SEMA5B: variants seen among roughly 807,000 people sequenced by gnomAD.
SEMA5B encodes the protein semaphorin-5B.
In SEMA5B, 66 loss-of-function variants were observed where a neutral mutation model predicts 135.0. The ratio of observed to expected loss-of-function variants is 0.49; its 90% confidence interval spans 0.40 to 0.60. The LOEUF (loss-of-function observed/expected upper bound fraction) is 0.60, where lower values mean the gene tolerates loss of function less well. Ranked by LOEUF, SEMA5B falls within the 20% of genes least tolerant of loss-of-function variation. The pLI is 0.00. For missense variants in SEMA5B, 1,501 were observed against 1,566.3 expected, an observed-to-expected ratio of 0.96 and a Z score of 0.70; for synonymous variants, 690 against 639.5, an observed-to-expected ratio of 1.08 and a Z score of -1.19.
At chr3:122,975,243 G>C (rs1322522373) in intron 1 of SEMA5B, 2 of 152,508 alleles carry the variant, frequency 1.3e-5, no homozygotes, top group Non-Finnish European at 2.9e-5. Context: ...TCCCCTGCCT[G>C]CCAGGAGAGC....
chr3:122,926,623 C>T lies in SEMA5B; in HGVS notation c.905G>A (p.Arg302Gln), dbSNP rs1560307085. The change falls in exon 9 of 23, where the codon CGG becomes CAG. Residue 302 changes from arginine (R) to glutamine (Q), a missense_variant. Coordinates refer to ENST00000357599, the MANE Select transcript of SEMA5B (RefSeq NM_001031702.4). ...ACAGTCGTGCTCCACTGCGTTCTCC[C>T]GCAGGAAGAAGTATGCAAACAGCCC... is the stretch of plus-strand genomic sequence containing the variant. Reference protein sequence around the residue: ...DIGLFAYFFLRENAVEHDCGR... With the variant: ...DIGLFAYFFLQENAVEHDCGR... 3 of 1,614,196 alleles carry T rather than the reference C, an allele frequency of 1.9e-6. No individual in the cohort carries two copies. Among genetic ancestry groups the T allele is most frequent in the South Asian group, 1.1e-5 (1 of 91,074 alleles).
At chr3:122,995,685 A>G (rs1942007254) in intron 1 of SEMA5B, among the ~76,000 whole-genome samples, 1 of 152,154 alleles carries the variant, frequency 6.6e-6, no homozygotes, top group Non-Finnish European at 1.5e-5. Context: ...TATCATGGGG[A>G]GATCATGGCT....
intron 1 of SEMA5B, among the ~76,000 whole-genome samples, chr3:122,996,043 A>G (rs9849244): frequency 0.018 from 2,718 of 152,316 alleles, 91 homozygotes; most frequent in African/African-American, 0.061. Context: ...TCACAGCACT[A>G]GTCTGAGGGC....
intron 1 of SEMA5B, among the ~76,000 whole-genome samples, chr3:122,995,071 T>C (rs1941994060): frequency 6.6e-6 from 1 of 151,550 alleles, no homozygotes; most frequent in African/African-American, 2.4e-5. Flanking sequence ...ACATGTCAGG[T>C]TGGAAAAGTG....
At chr3:122,930,813 AAAGTCC>A (rs1938931401) in intron 5 of SEMA5B, among the ~76,000 whole-genome samples, 1 of 152,218 alleles carries the variant, frequency 6.6e-6, no homozygotes, top group African/African-American at 2.4e-5. Flanking sequence ...GAAGAACACT[AAAGTCC>A]AGAGAGGTGG....
rs530912024 is a variant in SEMA5B, at chr3:122,953,092, C to T, written c.125-4383G>A. ...TGGGGGGACCCTGACTGATAGAACACCTCATTAGGGATACTCAATGCATAT... is the reference window on the plus strand; with the variant it reads ...TGGGGGGACCCTGACTGATAGAACATCTCATTAGGGATACTCAATGCATAT... On this transcript the variant is annotated intron_variant, in intron 2 of 22. Coordinates refer to ENST00000357599, the MANE Select transcript of SEMA5B (RefSeq NM_001031702.4). Among the ~76,000 whole-genome samples the T allele has an allele frequency of 2.6e-5, 4 of 152,300 alleles. No homozygotes were observed. In the South Asian group the frequency reaches 6.2e-4, roughly 24 times the overall value.
chr3:122,910,389 C>A, intron 22 of SEMA5B, 88 bp from the exon 23 acceptor site: 3 of 1,376,930 alleles, frequency 2.2e-6, no homozygotes, highest in South Asian at 2.6e-5. Flanking sequence ...AGAAGCCAGC[C>A]GTGCAAGAAC....
chr3:122,987,701 G>A (rs1941745906), intron 1 of SEMA5B, among the ~76,000 whole-genome samples: 1 of 152,156 alleles, frequency 6.6e-6, no homozygotes, highest in East Asian at 1.9e-4. Flanking sequence ...TCACTGGATT[G>A]CACACATACC....
chr3:122,939,440 A>G lies in SEMA5B; in HGVS notation c.459T>C (p.Asn153=). ...RNYLFRLSLA[N]VSLLQATEWA... ...GCAATCGTACCTGAAGAAGAGAGACATTGGCAAGGCTGAGTCTGAAGAGGT... is the reference window on the plus strand; with the variant it reads ...GCAATCGTACCTGAAGAAGAGAGACGTTGGCAAGGCTGAGTCTGAAGAGGT... The change falls in exon 5 of 23, where the codon AAT becomes AAC. Residue 153 remains asparagine, a synonymous_variant. Transcript: ENST00000357599. 1 of 1,612,354 alleles carries G rather than the reference A, an allele frequency of 6.2e-7. No homozygotes were observed. Among genetic ancestry groups the G allele is most frequent in the Non-Finnish European group, 8.5e-7 (1 of 1,178,334 alleles).
rs145873533 is a variant in SEMA5B at position 122,986,593 on chromosome 3, T to TTGTGTGTGTGTG, written c.-38-25304_-38-25293dup. The stretch of plus-strand genomic sequence containing the variant: ...GAGATGAGGCAGGCCCAGAGCATAT[T>TTGTGTGTGTGTG]TGTGTGTGTGTGTGTGTGTGTGTGT... On this transcript the variant is annotated intron_variant, in intron 1 of 22. Transcript: ENST00000357599. Among the ~76,000 whole-genome samples, 259 of 144,382 alleles carry TTGTGTGTGTGTG rather than the reference T, an allele frequency of 1.8e-3. 2 individuals carry two copies. Among genetic ancestry groups the TTGTGTGTGTGTG allele is most frequent in the African/African-American group, 4.2e-3 (166 of 39,444 alleles). 94.7% of individuals were successfully genotyped at this position (144,382 alleles called of 152,430 possible). A position where few individuals can be genotyped will look rare whatever the true frequency, so the allele number is the denominator to read the frequency against.
At chr3:123,010,575 C>T (rs1942415463) in intron 1 of SEMA5B, among the ~76,000 whole-genome samples, 2 of 152,070 alleles carry the variant, frequency 1.3e-5, no homozygotes, top group East Asian at 1.9e-4. Flanking sequence ...CTTTGGGAGG[C>T]TGAGGCAGGC....
intron 1 of SEMA5B, among the ~76,000 whole-genome samples, chr3:123,003,924 C>G (rs151006920): frequency 6.6e-6 from 1 of 152,264 alleles, no homozygotes; most frequent in Admixed American, 6.5e-5. Context: ...GGCAGCCTTC[C>G]TTGTTTAACA....
chr3:122,984,682 A>G (rs1941640694), intron 1 of SEMA5B, among the ~76,000 whole-genome samples: 1 of 152,220 alleles, frequency 6.6e-6, no homozygotes, highest in African/African-American at 2.4e-5. Context: ...AGTACACAAT[A>G]TACCCATGTA....
intron 2 of SEMA5B, among the ~76,000 whole-genome samples, chr3:122,957,574 G>A (rs746697782): frequency 6.6e-6 from 1 of 152,190 alleles, no homozygotes; most frequent in Non-Finnish European, 1.5e-5. Context: ...GACAACCTAC[G>A]ACCCTAAAAG....
At chr3:122,923,776 C>T in intron 9 of SEMA5B, 24 bp from the exon 10 acceptor site, 5 of 1,613,696 alleles carry the variant, frequency 3.1e-6, no homozygotes, top group Non-Finnish European at 4.2e-6. Context: ...AGTGGTGGCA[C>T]AGGGCCCTCC....
chr3:123,021,508 C>T (rs1560454356), intron 1 of SEMA5B, among the ~76,000 whole-genome samples: 1 of 152,198 alleles, frequency 6.6e-6, no homozygotes, highest in Non-Finnish European at 1.5e-5. Context: ...CACACTTGTC[C>T]CTGAATAATT....
At chr3:123,019,756 G>T (rs1236247413) in intron 1 of SEMA5B, among the ~76,000 whole-genome samples, 2 of 152,206 alleles carry the variant, frequency 1.3e-5, no homozygotes, top group Non-Finnish European at 2.9e-5. Flanking sequence ...TGGTTCAGGG[G>T]CTGGAGGTAC....
At chr3:123,022,520 A>C (rs1488237621) in intron 1 of SEMA5B, among the ~76,000 whole-genome samples, 2 of 152,142 alleles carry the variant, frequency 1.3e-5, no homozygotes, top group Non-Finnish European at 2.9e-5. Context: ...TTGTCCTTCT[A>C]TTTCAAGTCA....
intron 1 of SEMA5B, among the ~76,000 whole-genome samples, chr3:122,970,336 A>G (rs1447907794): frequency 2.0e-5 from 3 of 152,220 alleles, no homozygotes; most frequent in Admixed American, 2.0e-4. Flanking sequence ...TGGTTCTCAC[A>G]CTAATGTGCA....
Sources: allele counts gnomAD v4.1 joint callset (sites outside exome capture counted in the v4.1 genomes callset), GRCh38; gene constraint gnomAD v4.1.1; transcripts MANE v1.5; gene names NCBI Gene and HGNC (gene_info 2026-07-23, HGNC 2026-07-21).